NAV2: variants seen among roughly 807,000 people sequenced by gnomAD.
The protein encoded by NAV2 is neuron navigator 2.
A neutral mutation model predicts 223.2 loss-of-function variants in NAV2; 54 were observed. That is an observed-to-expected ratio of 0.24 (90% CI 0.19 to 0.30). NAV2 has a LOEUF of 0.30. Among genes scored for constraint, NAV2 ranks in the 10% least tolerant of loss-of-function variants. The pLI, the probability that NAV2 is intolerant of heterozygous loss-of-function variation, is 1.00. For missense variants in NAV2, 2,806 were observed against 3,147.5 expected, an observed-to-expected ratio of 0.89 and a Z score of 2.60; for synonymous variants, 1,279 against 1,239.3, an observed-to-expected ratio of 1.03 and a Z score of -0.67.
intron 1 of NAV2, among the ~76,000 whole-genome samples, chr11:19,772,997 GT>G (rs1272928492): frequency 6.6e-6 from 1 of 152,200 alleles, no homozygotes; most frequent in East Asian, 1.9e-4. Context: ...TAGATCATCA[GT>G]TTCTTAGTGA....
chr11:20,096,758 G>A (rs2061299979), intron 30 of NAV2, among the ~76,000 whole-genome samples: 1 of 152,160 alleles, frequency 6.6e-6, no homozygotes, highest in Non-Finnish European at 1.5e-5. Context: ...TTTTTGACTG[G>A]AGATTGGTCC....
intron 1 of NAV2, among the ~76,000 whole-genome samples, chr11:19,402,829 T>C (rs1272117384): frequency 6.6e-6 from 1 of 152,162 alleles, no homozygotes; most frequent in East Asian, 1.9e-4. Flanking sequence ...TCAACAAATA[T>C]TTGTGAACTG....
chr11:20,109,621 G>A (rs1339807777), intron 36 of NAV2, among the ~76,000 whole-genome samples: 1 of 152,216 alleles, frequency 6.6e-6, no homozygotes, highest in Non-Finnish European at 1.5e-5. Context: ...ATGGCTTCCA[G>A]GGAGTGTGAT....
At chr11:20,058,135 C>CT in intron 19 of NAV2, among the ~76,000 whole-genome samples, 1 of 152,188 alleles carries the variant, frequency 6.6e-6, no homozygotes, top group African/African-American at 2.4e-5. Flanking sequence ...GTTGAAATTC[C>CT]TTTTTTTGAA....
chr11:19,912,953 A>T (rs2043442571), intron 6 of NAV2, among the ~76,000 whole-genome samples: 1 of 152,166 alleles, frequency 6.6e-6, no homozygotes, highest in Non-Finnish European at 1.5e-5. Context: ...CCCTCCTCCT[A>T]ATAAACTGAT....
At chr11:19,752,490 C>A (rs546911838) in intron 1 of NAV2, among the ~76,000 whole-genome samples, 2 of 152,274 alleles carry the variant, frequency 1.3e-5, no homozygotes, top group Non-Finnish European at 2.9e-5. Context: ...CACCTGCAAT[C>A]CCACCCCTGA....
intron 6 of NAV2, among the ~76,000 whole-genome samples, chr11:19,924,583 A>G (rs2044572684): frequency 6.6e-6 from 1 of 152,200 alleles, no homozygotes; most frequent in Non-Finnish European, 1.5e-5. Flanking sequence ...TACATTCTGC[A>G]TATTTATTTT....
intron 37 of NAV2, 97 bp downstream of exon 37, chr11:20,114,892 TC>T: frequency 8.1e-7 from 1 of 1,234,878 alleles, no homozygotes. Flanking sequence ...GGTGACTAAA[TC>T]CAGCCTTGCT....
chr11:19,648,095 T>C (rs2047867862), intron 1 of NAV2, among the ~76,000 whole-genome samples: 1 of 152,214 alleles, frequency 6.6e-6, no homozygotes, highest in African/African-American at 2.4e-5. Flanking sequence ...TGTTAATTTT[T>C]CAGGAATTTT....
At chr11:20,004,752 G>T (rs1234508103) in intron 11 of NAV2, among the ~76,000 whole-genome samples, 1 of 152,168 alleles carries the variant, frequency 6.6e-6, no homozygotes, top group Non-Finnish European at 1.5e-5. Context: ...CTTGGTTGTT[G>T]TTCCAGACAC....
intron 36 of NAV2, 172 bp from the exon 37 acceptor site, chr11:20,114,420 C>T (rs1013322177): frequency 3.1e-6 from 2 of 641,664 alleles, no homozygotes; most frequent in Admixed American, 2.6e-5. Context: ...AGCCTTAGCA[C>T]CTCGAACTGT....
intron 27 of NAV2, 41 bp from the exon 28 acceptor site, chr11:20,092,165 A>C: frequency 6.3e-7 from 1 of 1,588,052 alleles, no homozygotes; most frequent in Non-Finnish European, 8.6e-7. Flanking sequence ...TGTTCACATT[A>C]CTTCTGCCTA....
At chr11:19,851,545 T>G (rs1373255381) in intron 3 of NAV2, among the ~76,000 whole-genome samples, 2 of 152,166 alleles carry the variant, frequency 1.3e-5, no homozygotes, top group African/African-American at 4.8e-5. Flanking sequence ...AAAAGGATAA[T>G]GATGGAAGCT....
intron 1 of NAV2, among the ~76,000 whole-genome samples, chr11:19,537,815 A>G (rs545406467): frequency 1.2e-3 from 178 of 152,350 alleles, no homozygotes; most frequent in African/African-American, 4.2e-3. Context: ...TGGGCAAGTT[A>G]TTTAATGTTT....
intron 1 of NAV2, chr11:19,511,147 A>G (rs2043267038): frequency 1.3e-5 from 2 of 152,302 alleles, no homozygotes; most frequent in South Asian, 4.1e-4. Context: ...CCAAGTCAGT[A>G]GGTTTTGTCA....
chr11:19,737,926 C>CA (rs1297486025), intron 1 of NAV2, among the ~76,000 whole-genome samples: 1 of 152,098 alleles, frequency 6.6e-6, no homozygotes, highest in East Asian at 1.9e-4. Flanking sequence ...AAGAGGGGAC[C>CA]AAAAAATCTA....
At chr11:19,706,577 G>T (rs992313970) in intron 1 of NAV2, among the ~76,000 whole-genome samples, 2 of 152,014 alleles carry the variant, frequency 1.3e-5, no homozygotes, top group Non-Finnish European at 1.5e-5. Flanking sequence ...CTGTTTTTCA[G>T]TTTCGAGAAA....
chr11:19,799,403 G>T (rs2066924642), intron 1 of NAV2, among the ~76,000 whole-genome samples: 1 of 152,182 alleles, frequency 6.6e-6, no homozygotes, highest in Admixed American at 6.5e-5. Context: ...AACCTGCTAA[G>T]AATCAACAAC....
At chr11:20,079,335 C>T (rs2059950199) in intron 24 of NAV2, among the ~76,000 whole-genome samples, 1 of 152,142 alleles carries the variant, frequency 6.6e-6, no homozygotes, top group African/African-American at 2.4e-5. Flanking sequence ...TCCACTACAC[C>T]CGGCCGAGGG....
Sources: gnomAD v4.1 joint callset for allele counts (sites outside exome capture counted in the v4.1 genomes callset) on GRCh38, gnomAD v4.1.1 for gene constraint, MANE v1.5 for transcripts, NCBI Gene and HGNC (gene_info 2026-07-23, HGNC 2026-07-21) for gene names.